Variants in PHF21B observed in about 807,000 individuals in gnomAD.
PHF21B encodes PHD finger protein 21B.
In PHF21B, 22 loss-of-function variants were observed where a neutral mutation model predicts 62.2. The observed-to-expected ratio is 0.35, with a 90% confidence interval of 0.25 to 0.51. PHF21B has a LOEUF of 0.51. Ranked by LOEUF, PHF21B falls within the 20% of genes least tolerant of loss-of-function variation. PHF21B has a pLI of 0.97. For synonymous variants in PHF21B, 341 were observed against 314.7 expected (o/e 1.08, Z -0.88); for missense variants, 701 against 707.9 (o/e 0.99, Z 0.11).
intron 2 of PHF21B, chr22:44,989,566 A>G (rs989502127): frequency 2.7e-5 from 4 of 149,916 alleles, no homozygotes; most frequent in Middle Eastern, 3.2e-3. Flanking sequence ...ACACATCACT[A>G]TAATAATAGA....
chr22:44,886,282 G>C (rs1469483183), intron 10 of PHF21B, among the ~76,000 whole-genome samples: 1 of 150,758 alleles, frequency 6.6e-6, no homozygotes, highest in African/African-American at 2.4e-5. Flanking sequence ...CAAATGGAGA[G>C]ACTCGATGTC....
chr22:44,940,678 T>C (rs1282299863), intron 2 of PHF21B, among the ~76,000 whole-genome samples: 2 of 152,190 alleles, frequency 1.3e-5, no homozygotes, highest in African/African-American at 2.4e-5. Flanking sequence ...GAGGGACTTC[T>C]GTGAAGCACC....
At chr22:44,917,765 A>G (rs2071464886) in intron 3 of PHF21B, among the ~76,000 whole-genome samples, 1 of 152,168 alleles carries the variant, frequency 6.6e-6, no homozygotes. Context: ...CCAGTGGTGC[A>G]TGTGGAAGGA....
intron 2 of PHF21B, among the ~76,000 whole-genome samples, chr22:44,978,215 T>C (rs1297794922): frequency 2.0e-5 from 3 of 152,198 alleles, no homozygotes; most frequent in African/African-American, 7.2e-5. Context: ...ACTAGATGTT[T>C]CCGAATTGTT....
chr22:44,910,790 G>A (rs756808169), intron 5 of PHF21B, among the ~76,000 whole-genome samples: 4 of 152,232 alleles, frequency 2.6e-5, no homozygotes, highest in Non-Finnish European at 5.9e-5. Context: ...TACCAGTAGA[G>A]TGGGATGTTG....
chr22:44,933,295 G>T (rs2071778773), intron 2 of PHF21B, among the ~76,000 whole-genome samples: 1 of 152,110 alleles, frequency 6.6e-6, no homozygotes, highest in Non-Finnish European at 1.5e-5. Context: ...ATTTTTGGTA[G>T]AGACAGGGTT....
intron 2 of PHF21B, among the ~76,000 whole-genome samples, chr22:44,960,144 A>C (rs2072388597): frequency 6.6e-6 from 1 of 152,196 alleles, no homozygotes; most frequent in Non-Finnish European, 1.5e-5. Context: ...CATCCGCCTG[A>C]AAAGACAACC....
intron 3 of PHF21B, among the ~76,000 whole-genome samples, chr22:44,918,238 C>T (rs2071474241): frequency 6.6e-6 from 1 of 152,250 alleles, no homozygotes; most frequent in Non-Finnish European, 1.5e-5. Context: ...ATGTGGTGGT[C>T]AGTGAGGACC....
chr22:44,994,408 C>T (rs2073087712), intron 2 of PHF21B, among the ~76,000 whole-genome samples: 1 of 152,224 alleles, frequency 6.6e-6, no homozygotes, highest in South Asian at 2.1e-4. Flanking sequence ...GCTGTGTCTT[C>T]AAGCCAAGGA....
rs1328062108 is a variant in PHF21B, at chr22:44,998,942, T to A, written c.120+9603A>T. 3.9e-5 allele frequency among the ~76,000 whole-genome samples: 6 copies of A among 152,018 alleles called. No individual in the cohort carries two copies. In the East Asian group the frequency reaches 1.2e-3, roughly 29 times the overall value. The stretch of plus-strand genomic sequence containing the variant: ...GACCCAGCCTGGCCTGCCCCTCCCA[T>A]CCCTCTTCAGGATGAGGGTTTGACT... On this transcript the variant is annotated intron_variant, in intron 2 of 12. Transcript: ENST00000313237.
intron 12 of PHF21B, among the ~76,000 whole-genome samples, chr22:44,884,365 ACGTCACCACCACCACCATCACGG>A (rs2070808172): frequency 5.9e-5 from 3 of 50,944 alleles, no homozygotes; most frequent in East Asian, 1.1e-3. Flanking sequence ...ACGATCACCA[ACGTCACCACCACCACCATCACGG>A]TGATGAGCAC....
chr22:44,916,366 C>T lies in PHF21B; in HGVS notation c.478G>A (p.Ala160Thr). Residue 160 changes from alanine to threonine, a missense_variant, in exon 4 of 13, where the codon GCC becomes ACC. Ala to Thr is a moderately conservative substitution (Grantham distance 58). Coordinates refer to ENST00000313237, the MANE Select transcript of PHF21B (RefSeq NM_138415.5). ...GCGGTGCTGGGGGCCATGGCGGCGG[C>T]ATTGCTGGGGGAGGTGGAGATGATG... ...YAIISTSPSNAAAMAPSTAVS... is the reference protein window; with the variant it reads ...YAIISTSPSNTAAMAPSTAVS... 1 of 1,593,718 alleles carries T rather than the reference C, an allele frequency of 6.3e-7. No homozygotes were observed.
At chr22:44,986,504 T>C (rs1409616726) in intron 2 of PHF21B, among the ~76,000 whole-genome samples, 3 of 120,512 alleles carry the variant, frequency 2.5e-5, no homozygotes, top group Admixed American at 2.0e-4. Context: ...TCTTGGTGGA[T>C]GGGCTGGATC....
At chr22:44,889,296 G>C (rs2070918527) in intron 9 of PHF21B, among the ~76,000 whole-genome samples, 1 of 152,028 alleles carries the variant, frequency 6.6e-6, no homozygotes, top group Admixed American at 6.5e-5. Flanking sequence ...GGTAGGGGGT[G>C]GGGGCCCCAC....
At chr22:44,974,371 A>G (rs1212298450) in intron 2 of PHF21B, among the ~76,000 whole-genome samples, 1 of 151,116 alleles carries the variant, frequency 6.6e-6, no homozygotes, top group Non-Finnish European at 1.5e-5. Flanking sequence ...CCATGATCGC[A>G]CCACTGCACT....
chr22:44,994,676 G>A (rs1237496387), intron 2 of PHF21B, among the ~76,000 whole-genome samples: 5 of 152,190 alleles, frequency 3.3e-5, no homozygotes, highest in Non-Finnish European at 5.9e-5. Context: ...ACACACAGCT[G>A]AGCCCAGCTG....
At chr22:44,935,693 G>A (rs1349423502) in intron 2 of PHF21B, among the ~76,000 whole-genome samples, 1 of 152,164 alleles carries the variant, frequency 6.6e-6, no homozygotes, top group Non-Finnish European at 1.5e-5. Context: ...GAAACTGGCA[G>A]GTCTCATGGG....
At chr22:44,972,624 G>A (rs944414964) in intron 2 of PHF21B, among the ~76,000 whole-genome samples, 2 of 152,326 alleles carry the variant, frequency 1.3e-5, no homozygotes, top group African/African-American at 2.4e-5. Flanking sequence ...CCTCATGTAC[G>A]TCGGCTCAGG....
intron 2 of PHF21B, among the ~76,000 whole-genome samples, chr22:44,983,557 C>G (rs1265232675): frequency 6.6e-6 from 1 of 152,122 alleles, no homozygotes; most frequent in African/African-American, 2.4e-5. Flanking sequence ...GTCGCAAACA[C>G]CACACCAAAG....
Sources: gnomAD v4.1 joint callset for allele counts (sites outside exome capture counted in the v4.1 genomes callset) on GRCh38, gnomAD v4.1.1 for gene constraint, MANE v1.5 for transcripts, NCBI Gene and HGNC (gene_info 2026-07-23, HGNC 2026-07-21) for gene names.